Variants in A2M observed in about 807,000 individuals in gnomAD.
A2M encodes alpha-2-macroglobulin.
A2M carries 128 observed loss-of-function variants against 183.9 expected under a neutral mutation model. That is an observed-to-expected ratio of 0.70 (90% CI 0.60 to 0.81). The LOEUF (loss-of-function observed/expected upper bound fraction) is 0.81, where lower values mean the gene tolerates loss of function less well. A2M is among the 30% of genes least tolerant of loss of function. The pLI, the probability that A2M is intolerant of heterozygous loss-of-function variation, is 0.00. For missense variants in A2M, 1,495 were observed against 1,787.6 expected, an observed-to-expected ratio of 0.84 and a Z score of 2.95; for synonymous variants, 592 against 670.8, an observed-to-expected ratio of 0.88 and a Z score of 1.81.
At chr12:9,104,193 T>C in intron 11 of A2M, 46 bp downstream of exon 11, 1 of 1,577,940 alleles carries the variant, frequency 6.3e-7, no homozygotes, top group Non-Finnish European at 8.6e-7. Context: ...TGCAACCTTG[T>C]TTCCAAGGCT....
At position 9,091,287 on chromosome 12, in the gene A2M, C is replaced by T. The variant is rs1423617421; in HGVS notation, c.2383G>A (p.Glu795Lys). 1 of 1,613,980 alleles carries T rather than the reference C, an allele frequency of 6.2e-7. No homozygotes were observed. Among genetic ancestry groups the T allele is most frequent in the Non-Finnish European group, 8.5e-7 (1 of 1,180,026 alleles). ...ATCACAGAGTAAGGCATTGTGAGCT[C>T]CACAAAGAAGGGCTGGAAGGCTCGG... ...SLRAFQPFFV[E>K]LTMPYSVIRG... The change falls in exon 19 of 36, where the codon GAG becomes AAG. Residue 795 changes from glutamate to lysine, a missense_variant. By Grantham distance (56) the Glu-to-Lys change is moderately conservative. Transcript: ENST00000318602.
At position 9,079,163 on chromosome 12, in the gene A2M, G is replaced by T. The variant is rs1378816950; in HGVS notation, c.3119+81C>A. On this transcript the variant is annotated intron_variant, in intron 25 of 35. Transcript: ENST00000318602. ...GGTCTGATAATACATATCTGATAGT[G>T]TTGCTGTGAATATAATTGAGGTAAT... 2.8e-6 allele frequency: 3 copies of T among 1,059,220 alleles called. No individual in the cohort carries two copies. In the East Asian group the frequency reaches 7.1e-5, roughly 25 times the overall value. 65.6% of individuals were successfully genotyped at this position (1,059,220 alleles called of 1,614,324 possible).
At position 9,107,520 on chromosome 12, in the gene A2M, C is replaced by T; in HGVS notation, c.879+4G>A. 6.2e-7 allele frequency: 1 copy of T among 1,613,740 alleles called. No individual in the cohort carries two copies. The highest frequency in any genetic ancestry group is 2.2e-5 in the East Asian group (1 of 44,876). ...TTCTCTAGAAAAAATAGTGTTCAAC[C>T]TACCTGTCCACTGAATTTCTCACAG... On this transcript the variant is annotated splice_donor_region_variant and intron_variant, in intron 8 of 35. Transcript: ENST00000318602.
chr12:9,080,238 G>T, intron 22 of A2M, 61 bp from the exon 23 acceptor site: 1 of 1,180,852 alleles, frequency 8.5e-7, no homozygotes, highest in Non-Finnish European at 1.2e-6. Context: ...TTTCTAAACA[G>T]CTCTATGACC....
chr12:9,101,116 G>A lies in A2M; in HGVS notation c.1558+28C>T, dbSNP rs74060552. The A allele has an allele frequency of 3.0e-3, 4,612 of 1,550,852 alleles. 84 individuals carry two copies. In the African/African-American group the frequency reaches 0.045, roughly 15 times the overall value. On this transcript the variant is annotated intron_variant, in intron 13 of 35. Coordinates refer to ENST00000318602, the MANE Select transcript of A2M (RefSeq NM_000014.6). ...AGGCTGAATGGGTCAGAATGGGGCAGCAATGCAGAGATGATGGAAATACTC... is the reference window on the plus strand; with the variant it reads ...AGGCTGAATGGGTCAGAATGGGGCAACAATGCAGAGATGATGGAAATACTC...
chr12:9,087,808 A>AC (rs1367018156), intron 22 of A2M, among the ~76,000 whole-genome samples: 1 of 152,124 alleles, frequency 6.6e-6, no homozygotes, highest in Non-Finnish European at 1.5e-5. Flanking sequence ...ACAACAACCA[A>AC]CCAAACAAAA....
intron 23 of A2M, 125 bp downstream of exon 23, chr12:9,079,969 G>A: frequency 1.1e-6 from 1 of 948,684 alleles, no homozygotes; most frequent in African/African-American, 1.7e-5. Context: ...CAATAAACAA[G>A]CCCAAAGAAG....
Position 9,095,452 on chromosome 12 carries a change from C to T in A2M, c.2013+87G>A, listed in dbSNP as rs771305111. The T allele has an allele frequency of 2.3e-6, 3 of 1,302,354 alleles. No homozygotes were observed. The East Asian group carries it at 7.1e-5, about 31-fold the overall frequency. 80.7% of individuals were successfully genotyped at this position (1,302,354 alleles called of 1,614,324 possible). A position where few individuals can be genotyped will look rare whatever the true frequency, so the allele number is the denominator to read the frequency against. On this transcript the variant is annotated intron_variant, in intron 16 of 35. Coordinates refer to ENST00000318602, the MANE Select transcript of A2M (RefSeq NM_000014.6). ...TATATCCCATTACCCTCAACTAGGA[C>T]ATGAAGGCATTCAAATACAGACTCT...
intron 13 of A2M, among the ~76,000 whole-genome samples, chr12:9,100,094 AC>A (rs1937705207): frequency 6.6e-6 from 1 of 152,202 alleles, no homozygotes; most frequent in African/African-American, 2.4e-5. Flanking sequence ...AGTCTACTAG[AC>A]TAGGAGCAAC....
chr12:9,082,968 G>A (rs976582692), intron 22 of A2M, among the ~76,000 whole-genome samples: 6 of 152,180 alleles, frequency 3.9e-5, no homozygotes, highest in Non-Finnish European at 2.9e-5. Flanking sequence ...TGTATTTCTA[G>A]TTCTAGATCC....
chr12:9,087,783 A>T (rs993764696), intron 22 of A2M, among the ~76,000 whole-genome samples: 2 of 152,142 alleles, frequency 1.3e-5, no homozygotes, highest in Non-Finnish European at 2.9e-5. Context: ...TTTACAATGT[A>T]ATTAAAGAAC....
intron 13 of A2M, 55 bp downstream of exon 13, chr12:9,101,089 T>C (rs538307489): frequency 6.7e-7 from 1 of 1,495,350 alleles, no homozygotes; most frequent in South Asian, 1.2e-5. Context: ...TTCCGTGGTG[T>C]AAGGCTGAAT....
chr12:9,084,560 A>C (rs1054236574), intron 22 of A2M, among the ~76,000 whole-genome samples: 1 of 151,882 alleles, frequency 6.6e-6, no homozygotes, highest in African/African-American at 2.4e-5. Context: ...AAAAATTTTA[A>C]AAGATTCAAA....
intron 34 of A2M, 89 bp from the exon 35 acceptor site, chr12:9,068,313 G>T: frequency 7.2e-7 from 1 of 1,383,922 alleles, no homozygotes; most frequent in South Asian, 1.3e-5. Context: ...GCCAAGGAAG[G>T]AGTTTGTTGT....
intron 4 of A2M, 47 bp downstream of exon 4, chr12:9,112,112 G>C (rs748757121): frequency 3.2e-6 from 5 of 1,585,026 alleles, no homozygotes; most frequent in African/African-American, 1.3e-5. Context: ...CAGGTTCCCA[G>C]CCTGTTTATA....
chr12:9,104,815 A>G (rs910783718), intron 10 of A2M, among the ~76,000 whole-genome samples: 7 of 152,214 alleles, frequency 4.6e-5, no homozygotes, highest in Non-Finnish European at 8.8e-5. Flanking sequence ...TAATCTATTA[A>G]CTAAATTTAT....
Position 9,109,331 on chromosome 12 carries a change from C to A in A2M, c.748G>T (p.Val250Leu). Residue 250 changes from valine to leucine, a missense_variant, in exon 7 of 36, where the codon GTG (valine) becomes TTG (leucine). Transcript: ENST00000318602. The stretch of plus-strand genomic sequence containing the variant: ...AAAAAATGAACTCACAGGCCACACA[C>A]TGATACATTCATCTCTTCTTCCAAG... Reference protein sequence around the residue: ...TILEEEMNVSVCGLYTYGKPV... With the variant: ...TILEEEMNVSLCGLYTYGKPV... The A allele has an allele frequency of 1.2e-6, 2 of 1,612,184 alleles. No homozygotes were observed. Among genetic ancestry groups the A allele is most frequent in the Non-Finnish European group, 8.5e-7 (1 of 1,178,478 alleles).
intron 33 of A2M, chr12:9,069,065 A>G (rs1378354315): frequency 1.2e-5 from 5 of 410,912 alleles, no homozygotes; most frequent in Non-Finnish European, 2.2e-5. Context: ...CAATGCCAAT[A>G]CATAGCTCTG....
At chr12:9,069,446 T>G (rs1443568692) in intron 33 of A2M, among the ~76,000 whole-genome samples, 4 of 152,232 alleles carry the variant, frequency 2.6e-5, no homozygotes, top group Non-Finnish European at 5.9e-5. Context: ...CAAGGGCTAC[T>G]TCCTTATATT....
Sources: gnomAD v4.1 joint callset for allele counts (sites outside exome capture counted in the v4.1 genomes callset) on GRCh38, gnomAD v4.1.1 for gene constraint, MANE v1.5 for transcripts, NCBI Gene and HGNC (gene_info 2026-07-23, HGNC 2026-07-21) for gene names.